The following GRM5 variants were observed in gnomAD, a reference collection of about 807,000 sequenced individuals.
GRM5 encodes metabotropic glutamate receptor 5.
In GRM5, 19 loss-of-function variants were observed where a neutral mutation model predicts 83.1. The ratio of observed to expected loss-of-function variants is 0.23; its 90% confidence interval spans 0.16 to 0.34. GRM5 has a LOEUF of 0.34. Ranked by LOEUF, GRM5 falls within the 10% of genes least tolerant of loss-of-function variation. The pLI is 1.00. For missense variants in GRM5, 1,160 were observed against 1,588.3 expected, an observed-to-expected ratio of 0.73 and a Z score of 4.58; for synonymous variants, 675 against 633.6, an observed-to-expected ratio of 1.07 and a Z score of -0.98.
chr11:88,988,969 C>A (rs1235459226), intron 2 of GRM5, among the ~76,000 whole-genome samples: 1 of 148,938 alleles, frequency 6.7e-6, no homozygotes, highest in Non-Finnish European at 1.5e-5. Context: ...GCAAAATAAC[C>A]AGCTAACATC....
rs574848959 is a variant in GRM5, at chr11:89,036,597, A to T, written c.661+10615T>A. Among the ~76,000 whole-genome samples the T allele has an allele frequency of 8.6e-5, 13 of 151,242 alleles. No homozygotes were observed. In the East Asian group the frequency reaches 2.1e-3, roughly 25 times the overall value. Reference sequence around the variant, plus strand: ...GGGCAGGTATTTTTATCTCAATTTGATAATGAGGAAATTAAATGTACTTGT... The same window carrying T: ...GGGCAGGTATTTTTATCTCAATTTGTTAATGAGGAAATTAAATGTACTTGT... On this transcript the variant is annotated intron_variant, in intron 2 of 9. Coordinates refer to ENST00000305447, the MANE Select transcript of GRM5 (RefSeq NM_001143831.3).
intron 3 of GRM5, among the ~76,000 whole-genome samples, chr11:88,838,084 C>CAAAAAAAAAAAAAAAAAAAAAAAA (rs1157680177): frequency 3.6e-5 from 2 of 55,452 alleles, no homozygotes; most frequent in African/African-American, 6.0e-5. Context: ...GACTCCATCT[C>CAAAAAAAAAAAAAAAAAAAAAAAA]AAAAAAAAAA....
intron 3 of GRM5, among the ~76,000 whole-genome samples, chr11:88,688,467 T>C (rs114603611): frequency 0.012 from 1,866 of 152,276 alleles, 31 homozygotes; most frequent in African/African-American, 0.042. Context: ...ACTGTGGATT[T>C]CAGTACAAAG....
At chr11:89,009,136 T>C in intron 2 of GRM5, 1 of 704,668 alleles carries the variant, frequency 1.4e-6, no homozygotes, top group Admixed American at 2.2e-5. Flanking sequence ...ATGTATAAGA[T>C]AAGCAAAGGT....
Position 88,509,188 on chromosome 11 carries a change from G to T in GRM5, c.3043C>A (p.Arg1015=). The T allele has an allele frequency of 2.6e-6, 4 of 1,534,228 alleles. No individual in the cohort carries two copies. The highest frequency in any genetic ancestry group is 3.5e-6 in the Non-Finnish European group (4 of 1,142,932). ...EAEEHFPAPA[R]PRSPSPISTL... The stretch of plus-strand genomic sequence containing the variant: ...CTGATGGGCGACGGTGAGCGCGGCC[G>T]CGCGGGCGCCGGGAAGTGCTCCTCA... Residue 1015 remains arginine, a synonymous_variant, in exon 10 of 10, where the codon CGG becomes AGG. Coordinates refer to ENST00000305447, the MANE Select transcript of GRM5 (RefSeq NM_001143831.3).
chr11:88,744,680 T>TC (rs1393882143), intron 3 of GRM5, among the ~76,000 whole-genome samples: 1 of 152,080 alleles, frequency 6.6e-6, no homozygotes, highest in Non-Finnish European at 1.5e-5. Flanking sequence ...CATGATGCCT[T>TC]CCTAAAAAGA....
intron 2 of GRM5, among the ~76,000 whole-genome samples, chr11:89,014,043 G>C (rs1237824464): frequency 6.6e-6 from 1 of 151,988 alleles, no homozygotes; most frequent in African/African-American, 2.4e-5. Context: ...CAGTAAGTCA[G>C]GTATTCTGGA....
chr11:88,838,612 A>G (rs1241088907), intron 3 of GRM5, among the ~76,000 whole-genome samples: 1 of 152,158 alleles, frequency 6.6e-6, no homozygotes, highest in Non-Finnish European at 1.5e-5. Context: ...CTATTATTTA[A>G]TGAACCTTTA....
At chr11:88,576,912 G>A (rs1017843272) in intron 7 of GRM5, among the ~76,000 whole-genome samples, 2 of 152,086 alleles carry the variant, frequency 1.3e-5, no homozygotes, top group Non-Finnish European at 2.9e-5. Context: ...CCCTTGTCAA[G>A]ATCCCTTTCC....
chr11:88,660,279 G>T (rs1430578754), intron 3 of GRM5, among the ~76,000 whole-genome samples: 1 of 152,124 alleles, frequency 6.6e-6, no homozygotes, highest in South Asian at 2.1e-4. Context: ...TTCCTTTCTT[G>T]CCTCCCTAAG....
intron 2 of GRM5, among the ~76,000 whole-genome samples, chr11:89,017,623 G>A (rs977662701): frequency 2.6e-5 from 4 of 152,174 alleles, no homozygotes; most frequent in African/African-American, 7.2e-5. Context: ...GAATGGCCAA[G>A]GTAACAGAGC....
intron 8 of GRM5, among the ~76,000 whole-genome samples, chr11:88,538,672 G>A (rs970673879): frequency 2.0e-5 from 3 of 152,194 alleles, no homozygotes; most frequent in African/African-American, 7.2e-5. Flanking sequence ...GATAATAAAT[G>A]TAATAAGAGC....
At chr11:88,544,051 A>G (rs1942335837) in intron 8 of GRM5, among the ~76,000 whole-genome samples, 3 of 151,772 alleles carry the variant, frequency 2.0e-5, no homozygotes, top group Non-Finnish European at 4.4e-5. Context: ...TTTGTCTCCC[A>G]TTTGCTCTCA....
chr11:88,543,773 T>C (rs908770159), intron 8 of GRM5, among the ~76,000 whole-genome samples: 3 of 151,908 alleles, frequency 2.0e-5, no homozygotes, highest in African/African-American at 7.3e-5. Context: ...AAGAGAAAAG[T>C]TATCTGGGGG....
At chr11:88,786,446 C>T (rs1943069876) in intron 3 of GRM5, among the ~76,000 whole-genome samples, 1 of 152,108 alleles carries the variant, frequency 6.6e-6, no homozygotes, top group Non-Finnish European at 1.5e-5. Flanking sequence ...AGCCAAAGTG[C>T]TTATAGTTCT....
intron 4 of GRM5, among the ~76,000 whole-genome samples, chr11:88,648,936 A>ATAAAGAATTGCATCAGTTTAAAAAT (rs1232045717): frequency 6.6e-6 from 1 of 151,012 alleles, no homozygotes; most frequent in African/African-American, 2.4e-5. Context: ...AAATTTTTAA[A>ATAAAGAATTGCATCAGTTTAAAAAT]CTGATGCAAT....
chr11:88,808,101 G>GTA (rs1180025795), intron 3 of GRM5, among the ~76,000 whole-genome samples: 3 of 151,766 alleles, frequency 2.0e-5, no homozygotes, highest in South Asian at 2.1e-4. Context: ...GTATGTGATG[G>GTA]TATATATATT....
intron 3 of GRM5, among the ~76,000 whole-genome samples, chr11:88,784,867 G>A (rs891041874): frequency 6.6e-6 from 1 of 151,924 alleles, no homozygotes; most frequent in Non-Finnish European, 1.5e-5. Flanking sequence ...ATGTTTAACT[G>A]TTCTATCCAT....
intron 3 of GRM5, among the ~76,000 whole-genome samples, chr11:88,837,855 C>CG (rs1392593028): frequency 6.6e-6 from 1 of 151,954 alleles, no homozygotes; most frequent in Non-Finnish European, 1.5e-5. Context: ...GAGGCAGAGG[C>CG]GGGTGGATCA....
Sources: allele counts gnomAD v4.1 joint callset (sites outside exome capture counted in the v4.1 genomes callset), GRCh38; gene constraint gnomAD v4.1.1; transcripts MANE v1.5; gene names NCBI Gene and HGNC (gene_info 2026-07-23, HGNC 2026-07-21).